Variants in LRRFIP1 observed in about 807,000 individuals in gnomAD.
LRRFIP1 encodes the protein LRR binding FLII interacting protein 1, also known as leucine-rich repeat flightless-interacting protein 1.
LRRFIP1 carries 62 observed loss-of-function variants against 104.4 expected under a neutral mutation model. The ratio of observed to expected loss-of-function variants is 0.59; its 90% CI spans 0.48 to 0.73. LRRFIP1 has a LOEUF of 0.73. Among genes scored for constraint, LRRFIP1 ranks in the 30% least tolerant of loss-of-function variants. The pLI, the probability that LRRFIP1 is intolerant of heterozygous loss-of-function variation, is 0.00. For synonymous variants in LRRFIP1, 300 were observed against 299.0 expected (o/e 1.00, Z -0.03); for missense variants, 796 against 824.5 (o/e 0.97, Z 0.42).
intron 1 of LRRFIP1, among the ~76,000 whole-genome samples, chr2:237,694,299 G>C (rs922217538): frequency 1.3e-5 from 2 of 152,156 alleles, no homozygotes; most frequent in Non-Finnish European, 2.9e-5. Context: ...TGGCCCCAAG[G>C]GTTTTCAGAG....
chr2:237,732,485 T>A (rs189100704), intron 8 of LRRFIP1, among the ~76,000 whole-genome samples: 47 of 152,368 alleles, frequency 3.1e-4, no homozygotes, highest in Middle Eastern at 3.4e-3. Flanking sequence ...TGATTACATT[T>A]AGTGGATAGT....
At position 237,733,799 on chromosome 2, in the gene LRRFIP1, G is replaced by T; in HGVS notation, c.470G>T (p.Arg157Leu). Residue 157 changes from arginine to leucine, a missense_variant, in exon 9 of 24, where the codon CGG becomes CTG. By Grantham distance (102) the Arg-to-Leu change is moderately radical. Coordinates refer to ENST00000308482, the MANE Select transcript of LRRFIP1 (RefSeq NM_001137550.2). ...CCCTCCTGTCTGTACAGCGCTGCCCGGCCTTCGGGGAGTTACCGGGTGCGT... is the reference window on the plus strand; with the variant it reads ...CCCTCCTGTCTGTACAGCGCTGCCCTGCCTTCGGGGAGTTACCGGGTGCGT... ...GRPSCLYSAA[R>L]PSGSYRASVL... 6.2e-7 allele frequency: 1 copy of T among 1,613,946 alleles called. No homozygotes were observed. Among genetic ancestry groups the T allele is most frequent in the South Asian group, 1.1e-5 (1 of 91,084 alleles).
In LRRFIP1 at chr2:237,687,146, C is replaced by A. The variant is rs571344604; in HGVS notation, c.97-21398C>A. Among the ~76,000 whole-genome samples, 5 of 152,342 alleles carry A rather than the reference C, an allele frequency of 3.3e-5. No individual in the cohort carries two copies. In the South Asian group the frequency reaches 1.0e-3, roughly 32 times the overall value. On this transcript the variant is annotated intron_variant, in intron 1 of 23. Transcript: ENST00000308482. ...GGGCTGAGGAGACCTGGGTTGAAAA[C>A]CTAGCTTCGCTCTTCCAATGTGCAT...
chr2:237,666,758 T>A (rs905484362), intron 1 of LRRFIP1, among the ~76,000 whole-genome samples: 41 of 149,994 alleles, frequency 2.7e-4, no homozygotes, highest in African/African-American at 9.5e-4. Context: ...ATTCTTTCTC[T>A]TTCTTTCTCT....
At position 237,708,570 on chromosome 2, in the gene LRRFIP1, G is replaced by C. The variant is rs1338431736; in HGVS notation, c.123G>C (p.Arg41=). ...REAEARLAAK[R]AARAEAREIR... ...CGGAAGCCCGGCTCGCTGCAAAACG[G>C]GCGGCCCGCGCGGAGGCTCGCGAGA... Residue 41 remains arginine, a synonymous_variant, in exon 2 of 24, where the codon CGG becomes CGC. Transcript: ENST00000308482. 6 of 1,591,568 alleles carry C rather than the reference G, an allele frequency of 3.8e-6. No homozygotes were observed. Among genetic ancestry groups the C allele is most frequent in the Non-Finnish European group, 5.1e-6 (6 of 1,166,426 alleles).
rs988077818 is a variant in LRRFIP1 at position 237,649,464 on chromosome 2, G to A, written c.96+21724G>A. Among the ~76,000 whole-genome samples, 1 of 151,982 alleles carries A rather than the reference G, an allele frequency of 6.6e-6. No individual in the cohort carries two copies. The highest frequency in any genetic ancestry group is 6.5e-5 in the Admixed American group (1 of 15,280). On this transcript the variant is annotated intron_variant, in intron 1 of 23. Transcript: ENST00000308482. The surrounding 1 kb of genome is among the most constrained non-coding windows in gnomAD (Gnocchi z 4.1). ...GAGAATTGCTTGAGCCCAGGACGTGGAGGCTGCAGTGAGCCAAGATTGTGC... is the reference window on the plus strand; with the variant it reads ...GAGAATTGCTTGAGCCCAGGACGTGAAGGCTGCAGTGAGCCAAGATTGTGC...
At chr2:237,706,209 A>T (rs2093797950) in intron 1 of LRRFIP1, among the ~76,000 whole-genome samples, 1 of 152,052 alleles carries the variant, frequency 6.6e-6, no homozygotes, top group South Asian at 2.1e-4. Flanking sequence ...AGGGGTATGC[A>T]GGGCGTGTAC....
chr2:237,695,773 TAAAG>T (rs1207123107), intron 1 of LRRFIP1, among the ~76,000 whole-genome samples: 2 of 152,038 alleles, frequency 1.3e-5, no homozygotes, highest in Admixed American at 6.5e-5. Context: ...TTTTTTTAAA[TAAAG>T]AAGCTTGTTT....
intron 1 of LRRFIP1, among the ~76,000 whole-genome samples, chr2:237,650,447 C>T (rs910509328): frequency 6.7e-5 from 10 of 149,654 alleles, no homozygotes; most frequent in Admixed American, 3.3e-4. Context: ...AGAAACCTGG[C>T]TGCTCTGGCC....
chr2:237,764,021 G>A lies in LRRFIP1; in HGVS notation c.1459+3816G>A, dbSNP rs372093617. Reference sequence around the variant, plus strand: ...GAAAGCTTTAGACAGCAATAGCCTAGAGAACGATGACTTGTCGGCACCAGG... The same window carrying A: ...GAAAGCTTTAGACAGCAATAGCCTAAAGAACGATGACTTGTCGGCACCAGG... On this transcript the variant is annotated intron_variant, in intron 19 of 23. Coordinates refer to ENST00000308482, the MANE Select transcript of LRRFIP1 (RefSeq NM_001137550.2). The A allele has an allele frequency of 2.4e-5, 38 of 1,614,106 alleles. No individual in the cohort carries two copies. Among genetic ancestry groups the A allele is most frequent in the Middle Eastern group, 1.6e-4 (1 of 6,084 alleles).
At chr2:237,726,027 C>G (rs79323150) in intron 7 of LRRFIP1, among the ~76,000 whole-genome samples, 2,019 of 152,286 alleles carry the variant, frequency 0.013, 26 homozygotes, top group African/African-American at 0.045. Context: ...TTTCTGAAGA[C>G]ATAACAAGGG....
rs192654510 is a variant in LRRFIP1, at chr2:237,689,203, T to C, written c.97-19341T>C. 3.0e-4 allele frequency among the ~76,000 whole-genome samples: 46 copies of C among 152,348 alleles called. No homozygotes were observed. The Middle Eastern group carries it at 0.014, about 45-fold the overall frequency. Reference sequence around the variant, plus strand: ...TTAATGGAAAAACTGCAATTACTTTTGCACCATCCTAATAAAACTGGGAGG... The same window carrying C: ...TTAATGGAAAAACTGCAATTACTTTCGCACCATCCTAATAAAACTGGGAGG... On this transcript the variant is annotated intron_variant, in intron 1 of 23. Coordinates refer to ENST00000308482, the MANE Select transcript of LRRFIP1 (RefSeq NM_001137550.2).
intron 1 of LRRFIP1, among the ~76,000 whole-genome samples, chr2:237,688,559 A>G (rs1395417381): frequency 1.3e-5 from 2 of 148,508 alleles, no homozygotes; most frequent in East Asian, 4.0e-4. Context: ...CCTGTGTTCA[A>G]GTGATTCTCA....
Position 237,772,173 on chromosome 2 carries a change from A to G in LRRFIP1, c.1602A>G (p.Thr534=). Residue 534 remains threonine, a synonymous_variant, in exon 21 of 24, where the codon ACA becomes ACG. Coordinates refer to ENST00000308482, the MANE Select transcript of LRRFIP1 (RefSeq NM_001137550.2). ...RSEDDVLENG[T]DMHVMDLQRD... ...AAGATGATGTCTTGGAAAACGGGAC[A>G]GACATGCATGTAATGGACCTACAAA... is the stretch of plus-strand genomic sequence containing the variant. 6.2e-7 allele frequency: 1 copy of G among 1,613,762 alleles called. No homozygotes were observed.
intron 1 of LRRFIP1, among the ~76,000 whole-genome samples, chr2:237,655,845 G>T (rs956318371): frequency 6.6e-6 from 1 of 152,198 alleles, no homozygotes; most frequent in Admixed American, 6.5e-5. Context: ...GACAAAACAA[G>T]AGAAATACTG....
At chr2:237,653,499 G>GA (rs2086279530) in intron 1 of LRRFIP1, among the ~76,000 whole-genome samples, 1 of 152,058 alleles carries the variant, frequency 6.6e-6, no homozygotes, top group Admixed American at 6.6e-5. Context: ...CACAAAAATA[G>GA]AAAAAATAAA....
intron 1 of LRRFIP1, among the ~76,000 whole-genome samples, chr2:237,705,020 GA>G (rs1382747889): frequency 6.6e-6 from 1 of 152,124 alleles, no homozygotes; most frequent in African/African-American, 2.4e-5. Context: ...GTGGAGGGCA[GA>G]CCCCCGAGAG....
chr2:237,758,838 C>A lies in LRRFIP1; in HGVS notation c.1317+17C>A. On this transcript the variant is annotated intron_variant, in intron 18 of 23. Coordinates refer to ENST00000308482, the MANE Select transcript of LRRFIP1 (RefSeq NM_001137550.2). ...GAATTAAAGGTATGAAGCCAAACTA[C>A]AGTTTTATTTAAAAAAAAAGAAAAA... 1 of 1,554,358 alleles carries A rather than the reference C, an allele frequency of 6.4e-7. No homozygotes were observed. The highest frequency in any genetic ancestry group is 2.0e-5 in the Admixed American group (1 of 51,224).
chr2:237,772,181 A>G lies in LRRFIP1; in HGVS notation c.1610A>G (p.His537Arg), dbSNP rs1311279868. The G allele has an allele frequency of 6.8e-6, 11 of 1,613,060 alleles. No homozygotes were observed. The highest frequency in any genetic ancestry group is 8.5e-6 in the Non-Finnish European group (10 of 1,178,984). The change falls in exon 21 of 24, where the codon CAT becomes CGT. Residue 537 changes from histidine to arginine, a missense_variant. Coordinates refer to ENST00000308482, the MANE Select transcript of LRRFIP1 (RefSeq NM_001137550.2). ...DDVLENGTDMHVMDLQRDANR... is the reference protein window; with the variant it reads ...DDVLENGTDMRVMDLQRDANR... ...GTCTTGGAAAACGGGACAGACATGCATGTAATGGACCTACAAAGTAAATGT... is the reference window on the plus strand; with the variant it reads ...GTCTTGGAAAACGGGACAGACATGCGTGTAATGGACCTACAAAGTAAATGT...
Sources: allele counts gnomAD v4.1 joint callset (sites outside exome capture counted in the v4.1 genomes callset), GRCh38; gene constraint gnomAD v4.1.1; non-coding constraint Gnocchi (gnomAD v3.1); transcripts MANE v1.5; gene names NCBI Gene and HGNC (gene_info 2026-07-23, HGNC 2026-07-21).